RAB44: variants seen among roughly 807,000 people sequenced by gnomAD.
RAB44 encodes the protein ras-related protein Rab-44.
Under a neutral mutation model 93.3 loss-of-function variants are expected in RAB44, and 67 were observed. The ratio of observed to expected loss-of-function variants is 0.72; its 90% CI spans 0.59 to 0.88. The LOEUF (loss-of-function observed/expected upper bound fraction) is 0.88. Among genes scored for constraint, RAB44 ranks in the 40% least tolerant of loss-of-function variants. RAB44 has a pLI of 0.00. For synonymous variants in RAB44, 427 were observed against 520.3 expected, an observed-to-expected ratio of 0.82 and a Z score of 2.44; for missense variants, 1,064 against 1,261.7, an observed-to-expected ratio of 0.84 and a Z score of 2.37.
At chr6:36,713,796 G>A in intron 2 of RAB44, 32 bp from the exon 3 acceptor site, 1 of 1,406,108 alleles carries the variant, frequency 7.1e-7, no homozygotes, top group Non-Finnish European at 9.7e-7. Flanking sequence ...TCCCCGGTGG[G>A]AACACCTGCC....
In RAB44 at chr6:36,728,712, G is replaced by A; in HGVS notation, c.2809G>A (p.Asp937Asn). 1 of 1,550,634 alleles carries A rather than the reference G, an allele frequency of 6.4e-7. No individual in the cohort carries two copies. The highest frequency in any genetic ancestry group is 8.7e-7 in the Non-Finnish European group (1 of 1,146,970). The change falls in exon 12 of 14, where the codon GAT becomes AAT. Residue 937 changes from aspartate (D) to asparagine (N), a missense_variant. Asp to Asn is a conservative substitution (Grantham distance 23). Transcript: ENST00000612677. Reference sequence around the variant, plus strand: ...GTTCTGTGTGCAGGATGCAGGGTCGGATGGGGTGGTCATCCTTCTCCTGGG... The same window carrying A: ...GTTCTGTGTGCAGGATGCAGGGTCGAATGGGGTGGTCATCCTTCTCCTGGG... ...WLDCLQDAGSDGVVILLLGNK... is the reference protein window; with the variant it reads ...WLDCLQDAGSNGVVILLLGNK...
intron 9 of RAB44, among the ~76,000 whole-genome samples, chr6:36,725,646 G>C (rs1362292735): frequency 6.6e-6 from 1 of 152,228 alleles, no homozygotes; most frequent in Non-Finnish European, 1.5e-5. Flanking sequence ...AAGGTGCCCT[G>C]TGTTGGCACA....
At chr6:36,718,184 G>A in intron 6 of RAB44, 66 bp downstream of exon 6, 18 of 1,103,934 alleles carry the variant, frequency 1.6e-5, no homozygotes, top group Non-Finnish European at 1.8e-5. Context: ...CTAAGGAATG[G>A]GGCCAGTGAC....
rs557671737 is a variant in RAB44, at chr6:36,705,611, G to A, written c.207+1169G>A. 3.3e-5 allele frequency among the ~76,000 whole-genome samples: 5 copies of A among 152,184 alleles called. 1 individual carries two copies. In the South Asian group the frequency reaches 1.0e-3, roughly 32 times the overall value. On this transcript the variant is annotated intron_variant, in intron 2 of 13. Transcript: ENST00000612677. Reference sequence around the variant, plus strand: ...TTGGTCAGGCTGGTCTCGAGCTCCTGACTTCAGGTGATCCACCTGCCTCAG... The same window carrying A: ...TTGGTCAGGCTGGTCTCGAGCTCCTAACTTCAGGTGATCCACCTGCCTCAG...
chr6:36,720,958 T>A (rs1225981214), intron 8 of RAB44, among the ~76,000 whole-genome samples, 193 bp from the exon 9 acceptor site: 1 of 151,934 alleles, frequency 6.6e-6, no homozygotes, highest in Non-Finnish European at 1.5e-5. Flanking sequence ...TTCATGTGGG[T>A]CTTGAGGATG....
rs1762844760 is a variant in RAB44, at chr6:36,713,839, C to A, written c.219C>A (p.Phe73Leu). Residue 73 changes from phenylalanine (F) to leucine (L), a missense_variant, in exon 3 of 14, where the codon TTC becomes TTA. Transcript: ENST00000612677. ...VTREDLAVAK[F>L]SFLGSKEESE... ...CCCATTCCTTCCAGGTGGCCAAGTT[C>A]AGCTTCCTGGGCAGCAAGGAAGAGT... 2.6e-6 allele frequency: 4 copies of A among 1,535,728 alleles called. No homozygotes were observed. Among genetic ancestry groups the A allele is most frequent in the African/African-American group, 2.7e-5 (2 of 73,174 alleles).
At chr6:36,727,496 T>C (rs1159073579) in intron 10 of RAB44, 81 bp from the exon 11 acceptor site, 5 of 842,410 alleles carry the variant, frequency 5.9e-6, no homozygotes, top group Non-Finnish European at 9.9e-6. Context: ...AGAAGTAGGA[T>C]AGGTTACTTC....
intron 9 of RAB44, among the ~76,000 whole-genome samples, chr6:36,724,500 C>T (rs544047548): frequency 6.6e-6 from 1 of 152,338 alleles, no homozygotes; most frequent in African/African-American, 2.4e-5. Context: ...TTACTGACCA[C>T]CTCCCATGCA....
In RAB44 at chr6:36,718,587, A is replaced by G; in HGVS notation, c.827A>G (p.Glu276Gly). 1 of 1,231,898 alleles carries G rather than the reference A, an allele frequency of 8.1e-7. No individual in the cohort carries two copies. Among genetic ancestry groups the G allele is most frequent in the Non-Finnish European group, 1.0e-6 (1 of 985,970 alleles). The allele number at this position is 1,231,898 out of a possible 1,614,324, so 76.3% of individuals were successfully genotyped here. A position where few individuals can be genotyped will look rare whatever the true frequency, so the allele number is the denominator to read the frequency against. The change falls in exon 7 of 14, where the codon GAG (glutamate) becomes GGG (glycine). Residue 276 changes from glutamate (E) to glycine (G), a missense_variant and splice_region_variant. Transcript: ENST00000612677. Reference sequence around the variant, plus strand: ...CAGCGACTAGCTGAGGGCCAGAGGGAGGTGAGTAATAGGGTTTCCCAGAAA... The same window carrying G: ...CAGCGACTAGCTGAGGGCCAGAGGGGGGTGAGTAATAGGGTTTCCCAGAAA... ...EVQRLAEGQR[E>G]LEAQLSHLRS... is the part of the protein sequence containing the mutation.
At chr6:36,704,765 T>C (rs773318467) in intron 2 of RAB44, among the ~76,000 whole-genome samples, 2 of 152,194 alleles carry the variant, frequency 1.3e-5, no homozygotes, top group Non-Finnish European at 2.9e-5. Context: ...AGTCAAACCA[T>C]GTCAATGACT....
chr6:36,725,278 T>G (rs968512550), intron 9 of RAB44, among the ~76,000 whole-genome samples: 1 of 152,214 alleles, frequency 6.6e-6, no homozygotes, highest in Non-Finnish European at 1.5e-5. Context: ...CGGGTTCAAG[T>G]GATTCTCTTG....
intron 1 of RAB44, among the ~76,000 whole-genome samples, chr6:36,702,956 C>G (rs1023062649): frequency 1.7e-4 from 26 of 152,198 alleles, no homozygotes; most frequent in African/African-American, 6.0e-4. Context: ...CAGTATGGAC[C>G]TAGATAAACA....
chr6:36,704,193 AGCCCGGT>A, intron 1 of RAB44, 24 bp from the exon 2 acceptor site: 1 of 1,508,832 alleles, frequency 6.6e-7, no homozygotes, highest in Non-Finnish European at 8.9e-7. Flanking sequence ...ACTGTCCAGC[AGCCCGGT>A]GCCCCTCACT....
At chr6:36,714,722 C>T (rs963410952) in intron 3 of RAB44, among the ~76,000 whole-genome samples, 2 of 152,216 alleles carry the variant, frequency 1.3e-5, no homozygotes, top group Non-Finnish European at 2.9e-5. Flanking sequence ...GCCTTGGGGC[C>T]GTCTTCATTC....
chr6:36,705,900 G>A (rs529447405), intron 2 of RAB44, among the ~76,000 whole-genome samples: 3 of 145,234 alleles, frequency 2.1e-5, no homozygotes, highest in Non-Finnish European at 4.5e-5. Flanking sequence ...ATTTATGTTG[G>A]ATTTTTTTTT....
chr6:36,715,403 G>C (rs1038077282), intron 3 of RAB44, 76 bp from the exon 4 acceptor site: 9 of 1,377,758 alleles, frequency 6.5e-6, no homozygotes, highest in African/African-American at 5.7e-5. Flanking sequence ...CTGAGGGCTG[G>C]ACCAGGGCTG....
rs1763070160 is a variant in RAB44, at chr6:36,721,262, C to A, written c.1128C>A (p.Asn376Lys). ...ATGACTGGGACCAGCTACTGAGCAA[C>A]TTTGGCAGCCCTCCGCACGGAGCCC... ...DNDDWDQLLS[N>K]FGSPPHGALQ... The change falls in exon 9 of 14, where the codon AAC becomes AAA. Residue 376 changes from asparagine to lysine, a missense_variant. By Grantham distance (94) the Asn-to-Lys change is moderately conservative. Transcript: ENST00000612677. The A allele has an allele frequency of 8.1e-6, 10 of 1,234,318 alleles. No homozygotes were observed. Among genetic ancestry groups the A allele is most frequent in the Non-Finnish European group, 1.0e-5 (10 of 988,224 alleles). 76.5% of individuals were successfully genotyped at this position (1,234,318 alleles called of 1,614,324 possible). A position where few individuals can be genotyped will look rare whatever the true frequency, so the allele number is the denominator to read the frequency against.
rs555488116 is a variant in RAB44 at position 36,718,544 on chromosome 6, G to A, written c.784G>A (p.Ala262Thr). ...LTSQMQDVLE[A>T]KEREVQRLAE... ...CTCCCAGATGCAGGACGTCCTAGAG[G>A]CCAAGGAGCGCGAGGTGCAGCGACT... Residue 262 changes from alanine (A) to threonine (T), a missense_variant, in exon 7 of 14, where the codon GCC becomes ACC. Coordinates refer to ENST00000612677, the MANE Select transcript of RAB44 (RefSeq NM_001257357.2). 5 of 1,234,246 alleles carry A rather than the reference G, an allele frequency of 4.1e-6. No homozygotes were observed. The South Asian group carries it at 2.0e-4, about 51-fold the overall frequency. 76.5% of individuals were successfully genotyped at this position (1,234,246 alleles called of 1,614,324 possible). A position where few individuals can be genotyped will look rare whatever the true frequency, so the allele number is the denominator to read the frequency against.
At chr6:36,702,331 A>AGC (rs1562050610) in intron 1 of RAB44, among the ~76,000 whole-genome samples, 1 of 75,772 alleles carries the variant, frequency 1.3e-5, no homozygotes, top group Admixed American at 1.2e-4. Context: ...AGAGAGAGAG[A>AGC]GAGAGAGAAT....
Sources: allele counts gnomAD v4.1 joint callset (sites outside exome capture counted in the v4.1 genomes callset), GRCh38; gene constraint gnomAD v4.1.1; transcripts MANE v1.5; gene names NCBI Gene and HGNC (gene_info 2026-07-23, HGNC 2026-07-21).